CSMD1: variants seen among roughly 807,000 people sequenced by gnomAD.
CSMD1 encodes CUB and Sushi multiple domains 1, also known as CUB and sushi domain-containing protein 1.
In CSMD1, 213 loss-of-function variants were observed where a neutral mutation model predicts 417.5. The observed-to-expected ratio is 0.51, with a 90% CI of 0.46 to 0.57. The LOEUF (loss-of-function observed/expected upper bound fraction) is 0.57. Ranked by LOEUF, CSMD1 falls within the 20% of genes least tolerant of loss-of-function variation. The pLI, the probability that CSMD1 is intolerant of heterozygous loss-of-function variation, is 0.00. For missense variants in CSMD1, 6,923 were observed against 4,529.7 expected (o/e 1.53, Z -15.17); for synonymous variants, 2,862 against 1,736.8 (o/e 1.65, Z -16.11).
At chr8:3,498,138 A>G (rs1191682779) in intron 10 of CSMD1, among the ~76,000 whole-genome samples, 1 of 152,088 alleles carries the variant, frequency 6.6e-6, no homozygotes, top group Non-Finnish European at 1.5e-5. Flanking sequence ...GTTCTCCCCT[A>G]GCCTGTAACG....
chr8:4,451,380 G>A (rs919385096), intron 2 of CSMD1, among the ~76,000 whole-genome samples: 1 of 152,162 alleles, frequency 6.6e-6, no homozygotes, highest in Non-Finnish European at 1.5e-5. Context: ...AGTGTTTATG[G>A]AAGATAATTA....
At chr8:3,991,268 T>C (rs751313353) in intron 5 of CSMD1, among the ~76,000 whole-genome samples, 5 of 152,208 alleles carry the variant, frequency 3.3e-5, no homozygotes, top group Admixed American at 1.3e-4. Context: ...TTAGCTGGTA[T>C]TGAAAGAAGT....
At chr8:3,547,862 T>C (rs114603947) in intron 10 of CSMD1, among the ~76,000 whole-genome samples, 1 of 152,190 alleles carries the variant, frequency 6.6e-6, no homozygotes, top group African/African-American at 2.4e-5. Flanking sequence ...GCTAGGTCAT[T>C]TTTTAAAATG....
At chr8:4,408,087 G>A (rs1044228636) in intron 3 of CSMD1, among the ~76,000 whole-genome samples, 1 of 152,068 alleles carries the variant, frequency 6.6e-6, no homozygotes, top group Non-Finnish European at 1.5e-5. Context: ...TTAAAAGCAT[G>A]CTTCACAAAA....
rs142425583 is a variant in CSMD1 at position 4,872,664 on chromosome 8, C to A, written c.85+121668G>T. ...GTCTAATACACTGCCTCAGAAATTG[C>A]GAGAGTAGAATTCACAATACAACTT... On this transcript the variant is annotated intron_variant, in intron 1 of 69. Coordinates refer to ENST00000635120, the MANE Select transcript of CSMD1 (RefSeq NM_033225.6). Among the ~76,000 whole-genome samples, 263 of 152,014 alleles carry A rather than the reference C, an allele frequency of 1.7e-3. 3 individuals carry two copies. Among genetic ancestry groups the A allele is most frequent in the African/African-American group, 5.9e-3 (244 of 41,408 alleles).
rs575414542 is a variant in CSMD1 at position 3,542,261 on chromosome 8, C to G, written c.1344+32684G>C. ...GACATACTGTCATAAATTCTTTACT[C>G]TTTTATGTCATCTGAAGATGGTTCA... On this transcript the variant is annotated intron_variant, in intron 10 of 69. Transcript: ENST00000635120. 8.5e-4 allele frequency among the ~76,000 whole-genome samples: 129 copies of G among 152,246 alleles called. 2 individuals are homozygous for G. Among genetic ancestry groups the G allele is most frequent in the Middle Eastern group, 3.4e-3 (1 of 294 alleles).
In CSMD1 at chr8:3,193,879, G is replaced by C. The variant is rs148651082; in HGVS notation, c.5195-3764C>G. ...CCCTTCAACACCACAAATGCTCTAA[G>C]CTACAGATACATGCTGCTCCTTTAC... On this transcript the variant is annotated intron_variant, in intron 33 of 69. Transcript: ENST00000635120. Among the ~76,000 whole-genome samples, 72 of 152,294 alleles carry C rather than the reference G, an allele frequency of 4.7e-4. No individual in the cohort carries two copies. In the East Asian group the frequency reaches 0.01, roughly 22 times the overall value.
Position 3,230,344 on chromosome 8 carries a change from T to C in CSMD1, c.4154-113A>G, listed in dbSNP as rs142437128. On this transcript the variant is annotated intron_variant, in intron 26 of 69. Transcript: ENST00000635120. ...ACTCTTCATTGGCCTAATAAGTCAT[T>C]TGTCTACACATGAACATACGAAAAT... 268 of 730,972 alleles carry C rather than the reference T, an allele frequency of 3.7e-4. No individual in the cohort carries two copies. The African/African-American group carries it at 4.5e-3, about 12-fold the overall frequency. 45.3% of individuals were successfully genotyped at this position (730,972 alleles called of 1,614,324 possible).
rs143226124 is a variant in CSMD1, at chr8:4,302,581, C to T, written c.415+117372G>A. ...TTTCCGCCTCTCTCTCAACCCTATA[C>T]GATAATGCACCGTAAGGGGATTCTC... On this transcript the variant is annotated intron_variant, in intron 3 of 69. Transcript: ENST00000635120. 5.3e-3 allele frequency among the ~76,000 whole-genome samples: 814 copies of T among 152,250 alleles called. 1 individual carries two copies. The highest frequency in any genetic ancestry group is 7.0e-3 in the Non-Finnish European group (475 of 68,014).
At chr8:4,247,591 C>A (rs1438494946) in intron 3 of CSMD1, among the ~76,000 whole-genome samples, 1 of 152,098 alleles carries the variant, frequency 6.6e-6, no homozygotes, top group Non-Finnish European at 1.5e-5. Flanking sequence ...TGTTAAATGG[C>A]CCTGCATTAC....
At chr8:3,322,132 A>G (rs192806752) in intron 23 of CSMD1, among the ~76,000 whole-genome samples, 1 of 152,336 alleles carries the variant, frequency 6.6e-6, no homozygotes, top group African/African-American at 2.4e-5. Flanking sequence ...AAATACTGTT[A>G]TTTTGGTCAT....
rs1405125747 is a variant in CSMD1, at chr8:3,367,138, C to T, written c.3009G>A (p.Val1003=). The change falls in exon 20 of 70, where the codon GTG becomes GTA. Residue 1003 remains valine, a synonymous_variant. Transcript: ENST00000635120. ...SEPVARLTGS[V]LPHTIKAGLF... is the part of the protein sequence containing the mutation. ...GGCCTGCCTTGATCGTATGAGGCAA[C>T]ACCGACCCGGTGAGCCTGGCAACGG... 1 of 1,613,682 alleles carries T rather than the reference C, an allele frequency of 6.2e-7. No individual in the cohort carries two copies. Among genetic ancestry groups the T allele is most frequent in the Non-Finnish European group, 8.5e-7 (1 of 1,179,752 alleles).
At chr8:3,355,833 A>G (rs925778348) in intron 21 of CSMD1, among the ~76,000 whole-genome samples, 1 of 152,208 alleles carries the variant, frequency 6.6e-6, no homozygotes, top group African/African-American at 2.4e-5. Context: ...CTAATTTGCA[A>G]GTGAAAAAGA....
At chr8:3,751,343 C>T (rs56906192) in intron 6 of CSMD1, among the ~76,000 whole-genome samples, 10,801 of 108,150 alleles carry the variant, frequency 0.1, 476 homozygotes, top group African/African-American at 0.13. Flanking sequence ...TATATATATA[C>T]ACGAACACAC....
Position 4,486,160 on chromosome 8 carries a change from TAC to T in CSMD1, c.303-66097_303-66096del, listed in dbSNP as rs1302811942. ...ATACATACATATATATATATATACA[TAC>T]ATATATATATATACATACATATATA... On this transcript the variant is annotated intron_variant, in intron 2 of 69. Coordinates refer to ENST00000635120, the MANE Select transcript of CSMD1 (RefSeq NM_033225.6). Among the ~76,000 whole-genome samples the T allele has an allele frequency of 9.5e-3, 204 of 21,392 alleles. 11 individuals are homozygous for T. Among genetic ancestry groups the T allele is most frequent in the African/African-American group, 0.031 (193 of 6,266 alleles). 14.0% of individuals were successfully genotyped at this position (21,392 alleles called of 152,430 possible).
chr8:3,851,748 G>A (rs114093675), intron 5 of CSMD1, among the ~76,000 whole-genome samples: 5,792 of 152,250 alleles, frequency 0.038, 115 homozygotes, highest in Middle Eastern at 0.068. Flanking sequence ...AAGAAGGTGA[G>A]GAATGAAGAG....
chr8:2,955,532 G>C (rs1261965148), intron 64 of CSMD1, 57 bp downstream of exon 64: 3 of 1,564,338 alleles, frequency 1.9e-6, no homozygotes, highest in Non-Finnish European at 2.6e-6. Context: ...CTGATGGGCA[G>C]CTGATCCTTT....
intron 10 of CSMD1, among the ~76,000 whole-genome samples, chr8:3,497,268 A>T (rs1028690428): frequency 6.6e-6 from 1 of 152,152 alleles, no homozygotes; most frequent in Non-Finnish European, 1.5e-5. Context: ...ATCTATTATT[A>T]TATTGGAGTC....
At chr8:3,912,363 T>G (rs1808517736) in intron 5 of CSMD1, among the ~76,000 whole-genome samples, 1 of 152,184 alleles carries the variant, frequency 6.6e-6, no homozygotes, top group Admixed American at 6.5e-5. Flanking sequence ...ATTTAGGATT[T>G]ACTACATTCA....
Sources: allele counts gnomAD v4.1 joint callset (sites outside exome capture counted in the v4.1 genomes callset), GRCh38; gene constraint gnomAD v4.1.1; transcripts MANE v1.5; gene names NCBI Gene and HGNC (gene_info 2026-07-23, HGNC 2026-07-21).